The following PIK3C2A variants were observed in gnomAD, a reference collection of about 807,000 sequenced individuals.
PIK3C2A encodes the protein phosphatidylinositol-4-phosphate 3-kinase catalytic subunit type 2 alpha, also known as phosphatidylinositol 4-phosphate 3-kinase C2 domain-containing subunit alpha.
A neutral mutation model predicts 204.5 loss-of-function variants in PIK3C2A; 97 were observed. The observed-to-expected ratio is 0.47, with a 90% CI of 0.40 to 0.56. The LOEUF is 0.56. Among genes scored for constraint, PIK3C2A ranks in the 20% least tolerant of loss-of-function variants. PIK3C2A has a pLI of 0.00. For synonymous variants in PIK3C2A, 653 were observed against 664.4 expected (o/e 0.98, Z 0.26); for missense variants, 1,735 against 1,969.2 (o/e 0.88, Z 2.25).
intron 1 of PIK3C2A, among the ~76,000 whole-genome samples, chr11:17,171,928 T>A (rs214934): frequency 0.24 from 36,520 of 152,120 alleles, 5,364 homozygotes; most frequent in East Asian, 0.38. Flanking sequence ...TGCATTTTTT[T>A]TAAAAGGTAA....
chr11:17,191,445 G>C (rs185720440), intron 1 of PIK3C2A, among the ~76,000 whole-genome samples: 2 of 152,306 alleles, frequency 1.3e-5, no homozygotes, highest in Non-Finnish European at 2.9e-5. Flanking sequence ...GCACAAGTGA[G>C]CTTCCCCGGA....
intron 1 of PIK3C2A, among the ~76,000 whole-genome samples, chr11:17,198,238 T>C (rs544333996): frequency 1.0e-3 from 159 of 152,040 alleles, no homozygotes; most frequent in African/African-American, 3.7e-3. Context: ...GCCTCCCAAG[T>C]AGCCAGGATT....
Position 17,168,945 on chromosome 11 carries a change from C to T in PIK3C2A, c.797G>A (p.Ser266Asn). The T allele has an allele frequency of 6.2e-7, 1 of 1,614,118 alleles. No individual in the cohort carries two copies. The highest frequency in any genetic ancestry group is 8.5e-7 in the Non-Finnish European group (1 of 1,180,018). ...ATCCAAGTCTAACCAGTCAAATTTACTGATATCCTCAGACTTTGGAGATAC... is the reference window on the plus strand; with the variant it reads ...ATCCAAGTCTAACCAGTCAAATTTATTGATATCCTCAGACTTTGGAGATAC... ...LQVSPKSEDI[S>N]KFDWLDLDPL... is the part of the protein sequence containing the mutation. Residue 266 changes from serine to asparagine, a missense_variant, in exon 2 of 33, where the codon AGT becomes AAT. Transcript: ENST00000691414.
intron 1 of PIK3C2A, among the ~76,000 whole-genome samples, chr11:17,198,379 G>A (rs1852237894): frequency 6.6e-6 from 1 of 151,808 alleles, no homozygotes; most frequent in Non-Finnish European, 1.5e-5. Context: ...CAAAGTGCTG[G>A]GATTACAGGC....
At chr11:17,095,987 G>A (rs1848443505) in intron 27 of PIK3C2A, among the ~76,000 whole-genome samples, 1 of 150,830 alleles carries the variant, frequency 6.6e-6, no homozygotes, top group Non-Finnish European at 1.5e-5. Context: ...GTTAAAAAAA[G>A]GCAAAAGGTT....
Position 17,097,100 on chromosome 11 carries a change from G to A in PIK3C2A, c.4283C>T (p.Ser1428Phe), listed in dbSNP as rs1448637301. The change falls in exon 27 of 33, where the codon TCT becomes TTT. Residue 1428 changes from serine (S) to phenylalanine (F), a missense_variant. By Grantham distance (155) the Ser-to-Phe change is radical. Transcript: ENST00000691414. ...GTATTTCTTATGATATGTAAAAACA[G>A]AGACTTCCTTGATTCGACCATCTTG... ...FRQDGRIKEV[S>F]VFTYHKKYNP... The A allele has an allele frequency of 6.2e-7, 1 of 1,606,430 alleles. No homozygotes were observed. Among genetic ancestry groups the A allele is most frequent in the Non-Finnish European group, 8.5e-7 (1 of 1,173,084 alleles).
chr11:17,154,871 T>G (rs995977370), intron 3 of PIK3C2A, among the ~76,000 whole-genome samples: 2 of 152,226 alleles, frequency 1.3e-5, no homozygotes, highest in Admixed American at 1.3e-4. Flanking sequence ...TACATGACCC[T>G]TTTTAAGTTC....
intron 15 of PIK3C2A, among the ~76,000 whole-genome samples, chr11:17,121,007 C>A (rs1348968590): frequency 1.3e-5 from 2 of 152,160 alleles, no homozygotes; most frequent in Non-Finnish European, 2.9e-5. Context: ...TGTGAGCCAC[C>A]ACGTTCAGCC....
At position 17,105,161 on chromosome 11, in the gene PIK3C2A, CTAA is replaced by C. The variant is rs779401528; in HGVS notation, c.3681+5_3681+7del. 2 of 1,607,462 alleles carry C rather than the reference CTAA, an allele frequency of 1.2e-6. No individual in the cohort carries two copies. Among genetic ancestry groups the C allele is most frequent in the Non-Finnish European group, 8.5e-7 (1 of 1,174,348 alleles). ...AAGCTTTTTAGAATGAGGAGACATG[CTAA>C]TTACCTTTTCATATTCTTCTTCAGA... On this transcript the variant is annotated splice_donor_5th_base_variant and intron_variant, in intron 23 of 32. Coordinates refer to ENST00000691414, the MANE Select transcript of PIK3C2A (RefSeq NM_002645.4).
chr11:17,183,686 C>CA (rs200063948), intron 1 of PIK3C2A, among the ~76,000 whole-genome samples: 1,933 of 149,524 alleles, frequency 0.013, 24 homozygotes, highest in East Asian at 0.042. Flanking sequence ...AAAAAAACAA[C>CA]AAAAAAAAAG....
chr11:17,172,815 T>C (rs1279033408), intron 1 of PIK3C2A, among the ~76,000 whole-genome samples: 1 of 152,230 alleles, frequency 6.6e-6, no homozygotes, highest in South Asian at 2.1e-4. Flanking sequence ...TCATCGGTGA[T>C]TACCTCCTTT....
At chr11:17,159,357 G>A (rs1850705229) in intron 2 of PIK3C2A, among the ~76,000 whole-genome samples, 1 of 152,168 alleles carries the variant, frequency 6.6e-6, no homozygotes. Flanking sequence ...AGAAAACACT[G>A]CCAATGCATT....
intron 1 of PIK3C2A, among the ~76,000 whole-genome samples, chr11:17,207,248 G>A (rs1038065280): frequency 6.6e-6 from 1 of 152,190 alleles, no homozygotes; most frequent in Non-Finnish European, 1.5e-5. Flanking sequence ...TCTCTCAGAA[G>A]GATGATGCGC....
At chr11:17,138,039 G>A in intron 8 of PIK3C2A, 2 of 640,144 alleles carry the variant, frequency 3.1e-6, no homozygotes, top group East Asian at 3.3e-5. Flanking sequence ...TCTGCTCCTT[G>A]ATAAGGAAAG....
intron 1 of PIK3C2A, among the ~76,000 whole-genome samples, chr11:17,197,904 T>G (rs771302585): frequency 6.6e-6 from 1 of 152,056 alleles, no homozygotes; most frequent in Non-Finnish European, 1.5e-5. Flanking sequence ...AAACCCTGAA[T>G]AGTGAATAAT....
At chr11:17,201,005 A>G (rs550941352) in intron 1 of PIK3C2A, among the ~76,000 whole-genome samples, 51 of 152,122 alleles carry the variant, frequency 3.4e-4, no homozygotes, top group African/African-American at 1.2e-3. Context: ...CAGGAGTTCA[A>G]GACCAGCCTG....
chr11:17,155,386 C>T (rs1000511362), intron 3 of PIK3C2A, 140 bp downstream of exon 3: 9 of 538,554 alleles, frequency 1.7e-5, no homozygotes, highest in East Asian at 8.7e-5. Flanking sequence ...TTTGTGATAA[C>T]GTGCCAATTA....
intron 22 of PIK3C2A, among the ~76,000 whole-genome samples, chr11:17,109,873 T>C (rs1033805030): frequency 3.9e-5 from 6 of 152,094 alleles, no homozygotes; most frequent in African/African-American, 1.4e-4. Context: ...CTAAAGACCA[T>C]ACAGTCCTCA....
intron 1 of PIK3C2A, among the ~76,000 whole-genome samples, chr11:17,196,211 T>A (rs1020078936): frequency 6.6e-6 from 1 of 152,188 alleles, no homozygotes; most frequent in African/African-American, 2.4e-5. Flanking sequence ...TAAAAACTTT[T>A]TTAATTATTA....
Sources: gnomAD v4.1 joint callset for allele counts (sites outside exome capture counted in the v4.1 genomes callset) on GRCh38, gnomAD v4.1.1 for gene constraint, MANE v1.5 for transcripts, NCBI Gene and HGNC (gene_info 2026-07-23, HGNC 2026-07-21) for gene names.